The following CCDC150 variants were observed in gnomAD, a reference collection of about 807,000 sequenced individuals.
CCDC150 encodes the protein coiled-coil domain containing 150, also known as coiled-coil domain-containing protein 150.
Under a neutral mutation model 156.5 loss-of-function variants are expected in CCDC150, and 151 were observed. The ratio of observed to expected loss-of-function variants is 0.97; its 90% confidence interval spans 0.85 to 1.10. The LOEUF (loss-of-function observed/expected upper bound fraction) is 1.10, where lower values mean the gene tolerates loss of function less well. Among genes scored for constraint, CCDC150 ranks in the 50% least tolerant of loss-of-function variants. The pLI, the probability that CCDC150 is intolerant of heterozygous loss-of-function variation, is 0.00. For missense variants in CCDC150, 1,312 were observed against 1,268.1 expected, an observed-to-expected ratio of 1.03 and a Z score of -0.53; for synonymous variants, 452 against 429.4, an observed-to-expected ratio of 1.05 and a Z score of -0.65.
Position 196,704,769 on chromosome 2 carries a change from C to T in CCDC150, c.1695+3589C>T, listed in dbSNP as rs563419864. On this transcript the variant is annotated intron_variant, in intron 15 of 27. Transcript: ENST00000389175. ...CCTGTGTCCAGGTGTTGATGTTGTT[C>T]AATTCCCACCTATGAGTGAGAACAT... Among the ~76,000 whole-genome samples, 13 of 152,216 alleles carry T rather than the reference C, an allele frequency of 8.5e-5. No individual in the cohort carries two copies. The East Asian group carries it at 2.3e-3, about 27-fold the overall frequency.
chr2:196,711,139 A>G (rs528403794), intron 15 of CCDC150, among the ~76,000 whole-genome samples: 28 of 152,320 alleles, frequency 1.8e-4, no homozygotes, highest in African/African-American at 6.3e-4. Context: ...TTGTTGAACT[A>G]TAGCATATAT....
chr2:196,686,662 T>G (rs763615999), intron 13 of CCDC150, among the ~76,000 whole-genome samples: 4 of 152,056 alleles, frequency 2.6e-5, no homozygotes, highest in Non-Finnish European at 4.4e-5. Flanking sequence ...TCAGTGTACA[T>G]GTGCAGGTTT....
chr2:196,729,757 G>T, intron 23 of CCDC150, 36 bp from the exon 24 acceptor site: 2 of 1,403,072 alleles, frequency 1.4e-6, no homozygotes, highest in South Asian at 1.3e-5. Context: ...TTTTTCCACT[G>T]ATCATCTTTT....
At chr2:196,670,920 A>G (rs971047708) in intron 8 of CCDC150, among the ~76,000 whole-genome samples, 3 of 152,088 alleles carry the variant, frequency 2.0e-5, no homozygotes, top group Admixed American at 6.5e-5. Flanking sequence ...AGATTTCCCA[A>G]ATACCTTCTG....
At chr2:196,715,554 A>G (rs900902341) in intron 17 of CCDC150, among the ~76,000 whole-genome samples, 2 of 152,214 alleles carry the variant, frequency 1.3e-5, no homozygotes, top group Non-Finnish European at 2.9e-5. Context: ...ATGTGAATGT[A>G]CTACCCATCC....
At chr2:196,658,547 A>C (rs748957976) in intron 4 of CCDC150, among the ~76,000 whole-genome samples, 6 of 152,184 alleles carry the variant, frequency 3.9e-5, no homozygotes, top group Non-Finnish European at 8.8e-5. Context: ...GGGTGCGATT[A>C]ATCACTGTTT....
intron 19 of CCDC150, 95 bp downstream of exon 19, chr2:196,719,761 T>C: frequency 1.2e-6 from 1 of 820,802 alleles, no homozygotes. Flanking sequence ...TGTAGCTTCC[T>C]TTACAAAAAA....
At chr2:196,694,787 G>A (rs556280268) in intron 13 of CCDC150, among the ~76,000 whole-genome samples, 43 of 152,222 alleles carry the variant, frequency 2.8e-4, no homozygotes, top group Non-Finnish European at 5.1e-4. Context: ...GCTTGAACCC[G>A]GGAGGCAGAG....
intron 18 of CCDC150, among the ~76,000 whole-genome samples, 188 bp downstream of exon 18, chr2:196,718,819 A>T (rs1697702034): frequency 6.6e-6 from 1 of 152,118 alleles, no homozygotes; most frequent in Admixed American, 6.5e-5. Context: ...CATTATATGT[A>T]TCTAACTCCC....
chr2:196,684,964 C>T (rs1695040693), intron 13 of CCDC150, among the ~76,000 whole-genome samples: 1 of 152,024 alleles, frequency 6.6e-6, no homozygotes, highest in South Asian at 2.1e-4. Flanking sequence ...TTATAAACAG[C>T]ATATAGTTGT....
chr2:196,692,614 T>C (rs935357542), intron 13 of CCDC150, among the ~76,000 whole-genome samples: 1 of 152,246 alleles, frequency 6.6e-6, no homozygotes, highest in South Asian at 2.1e-4. Context: ...GGTTGTTCAA[T>C]TTCCATGTAG....
Position 196,718,587 on chromosome 2 carries a change from T to G in CCDC150, c.1951T>G (p.Leu651Val). The change falls in exon 18 of 28, where the codon TTG becomes GTG. Residue 651 changes from leucine (L) to valine (V), a missense_variant. Physicochemically the swap from Leu to Val is conservative, Grantham distance 32 (BLOSUM62 1). Coordinates refer to ENST00000389175, the MANE Select transcript of CCDC150 (RefSeq NM_001080539.2). ...RNAALKESQK[L>V]KEDLEAVEDR... is the part of the protein sequence containing the mutation. Reference sequence around the variant, plus strand: ...TGCGGCCCTGAAAGAGAGTCAGAAGTTGAAAGAAGACCTCGAGGCTGTGGA... The same window carrying G: ...TGCGGCCCTGAAAGAGAGTCAGAAGGTGAAAGAAGACCTCGAGGCTGTGGA... 1 of 1,613,740 alleles carries G rather than the reference T, an allele frequency of 6.2e-7. No individual in the cohort carries two copies. The highest frequency in any genetic ancestry group is 1.7e-4 in the Middle Eastern group (1 of 6,058).
chr2:196,702,672 T>G (rs1416299697), intron 15 of CCDC150, among the ~76,000 whole-genome samples: 1 of 151,710 alleles, frequency 6.6e-6, no homozygotes, highest in African/African-American at 2.4e-5. Context: ...TTTTTAAAGC[T>G]ACTCAGATGA....
At chr2:196,671,026 A>G (rs1179754719) in intron 8 of CCDC150, among the ~76,000 whole-genome samples, 1 of 152,146 alleles carries the variant, frequency 6.6e-6, no homozygotes, top group Non-Finnish European at 1.5e-5. Flanking sequence ...GAGTGGTACC[A>G]TATTACAGTT....
chr2:196,651,185 C>T (rs1363440971), intron 2 of CCDC150, among the ~76,000 whole-genome samples: 1 of 152,224 alleles, frequency 6.6e-6, no homozygotes, highest in African/African-American at 2.4e-5. Context: ...ACTCTCCCTG[C>T]TCCCACTATT....
At chr2:196,732,292 AT>A (rs762666713) in intron 27 of CCDC150, 140 bp downstream of exon 27, 3 of 1,189,628 alleles carry the variant, frequency 2.5e-6, no homozygotes, top group Non-Finnish European at 2.4e-6. Context: ...AAACCAATTA[AT>A]TTCTTTTTTT....
In CCDC150 at chr2:196,639,871, C is replaced by G. The variant is rs1692105039; in HGVS notation, c.12+93C>G. The G allele has an allele frequency of 3.5e-6, 4 of 1,130,906 alleles. No individual in the cohort carries two copies. In the South Asian group the frequency reaches 9.4e-5, roughly 27 times the overall value. 70.1% of individuals were successfully genotyped at this position (1,130,906 alleles called of 1,614,324 possible). ...GACAGTCACCACTCCCTGGCGCCCT[C>G]TCCCTGTCCTGACGGAGTCCAGTCT... On this transcript the variant is annotated intron_variant, in intron 1 of 27. Transcript: ENST00000389175.
intron 12 of CCDC150, 194 bp from the exon 13 acceptor site, chr2:196,677,099 G>A (rs1387370963): frequency 4.3e-6 from 3 of 700,010 alleles, no homozygotes; most frequent in Non-Finnish European, 7.9e-6. Flanking sequence ...ATGCAGACGT[G>A]TCTTTCTAAT....
chr2:196,725,920 A>T, intron 21 of CCDC150, 53 bp from the exon 22 acceptor site: 1 of 1,522,788 alleles, frequency 6.6e-7, no homozygotes, highest in South Asian at 1.2e-5. Flanking sequence ...AAACTTTCTT[A>T]CCTCCTAAAA....
Sources: gnomAD v4.1 joint callset for allele counts (sites outside exome capture counted in the v4.1 genomes callset) on GRCh38, gnomAD v4.1.1 for gene constraint, MANE v1.5 for transcripts, NCBI Gene and HGNC (gene_info 2026-07-23, HGNC 2026-07-21) for gene names.